Variants in DPP3 observed in about 807,000 individuals in gnomAD.
The protein encoded by DPP3 is DPP III.
Under a neutral mutation model 89.8 loss-of-function variants are expected in DPP3, and 64 were observed. That is an observed-to-expected ratio of 0.71 (90% CI 0.58 to 0.88). The LOEUF (loss-of-function observed/expected upper bound fraction) is 0.88. Ranked by LOEUF, DPP3 falls within the 40% of genes least tolerant of loss-of-function variation. The probability of loss-of-function intolerance (pLI) is 0.00; values close to 1 mark genes in which losing one functional copy is unlikely to be tolerated. For missense variants in DPP3, 835 were observed against 972.5 expected (o/e 0.86, Z 1.88); for synonymous variants, 377 against 404.3 (o/e 0.93, Z 0.81).
chr11:66,491,851 C>A, intron 9 of DPP3, 95 bp downstream of exon 9: 1 of 1,327,720 alleles, frequency 7.5e-7, no homozygotes, highest in South Asian at 1.2e-5. Flanking sequence ...CACCCCCGCT[C>A]AGCCATAACC....
intron 16 of DPP3, among the ~76,000 whole-genome samples, chr11:66,499,363 CA>C (rs374154176): frequency 0.042 from 5,927 of 140,422 alleles, 171 homozygotes; most frequent in African/African-American, 0.083. Flanking sequence ...AACTCCGCCT[CA>C]AAAAAAAAAA....
intron 16 of DPP3, 75 bp from the exon 17 acceptor site, chr11:66,504,537 G>A (rs753228553): frequency 8.0e-6 from 12 of 1,501,378 alleles, no homozygotes; most frequent in Middle Eastern, 2.2e-4. Flanking sequence ...ACCACAATCA[G>A]CTGTGGCCTA....
chr11:66,497,541 C>T, intron 16 of DPP3, 64 bp downstream of exon 16: 2 of 1,547,354 alleles, frequency 1.3e-6, no homozygotes, highest in South Asian at 1.2e-5. Flanking sequence ...TGAGTGTTAC[C>T]AGGCACGGAG....
intron 9 of DPP3, chr11:66,492,483 A>G: frequency 2.1e-6 from 1 of 483,970 alleles, no homozygotes; most frequent in Non-Finnish European, 3.6e-6. Flanking sequence ...AGGCCCAGGG[A>G]GAAGGGGCAG....
rs758037988 is a variant in DPP3 at position 66,495,740 on chromosome 11, A to G, written c.1688A>G (p.Asn563Ser). 1.2e-6 allele frequency: 2 copies of G among 1,609,006 alleles called. No individual in the cohort carries two copies. Among genetic ancestry groups the G allele is most frequent in the Non-Finnish European group, 1.7e-6 (2 of 1,178,004 alleles). ...GAGTTCTACACACCTGAGGCCTTCA[A>G]CTGGCGACAGGTAGGGCCTAGGTGG... is the stretch of plus-strand genomic sequence containing the variant. Reference protein sequence around the residue: ...ALEFYTPEAFNWRQAHMQARF... With the variant: ...ALEFYTPEAFSWRQAHMQARF... Residue 563 changes from asparagine (N) to serine (S), a missense_variant, in exon 15 of 18, where the codon AAC becomes AGC. Asn to Ser is a conservative substitution (Grantham distance 46, BLOSUM62 1). Coordinates refer to ENST00000531863, the MANE Select transcript of DPP3 (RefSeq NM_130443.4).
At chr11:66,490,767 G>GTTTTTT (rs1441207501) in intron 6 of DPP3, among the ~76,000 whole-genome samples, 1 of 138,152 alleles carries the variant, frequency 7.2e-6, no homozygotes, top group East Asian at 2.1e-4. Flanking sequence ...TGTTTTTTTT[G>GTTTTTT]TTTTGTTTTT....
intron 17 of DPP3, among the ~76,000 whole-genome samples, 173 bp from the exon 18 acceptor site, chr11:66,508,906 G>A (rs557561960): frequency 6.6e-6 from 1 of 152,274 alleles, no homozygotes; most frequent in African/African-American, 2.4e-5. Flanking sequence ...TCCTCACAGG[G>A]TTACTGTAAA....
Position 66,485,163 on chromosome 11 carries a change from T to C in DPP3, c.271-10T>C. On this transcript the variant is annotated splice_polypyrimidine_tract_variant and intron_variant, in intron 2 of 17. Transcript: ENST00000531863. ...GCTTCCTGGGTCTCTGATGCCTGCC[T>C]CCCCCTCAGGCGTTCCTGGTCTATG... The C allele has an allele frequency of 6.2e-7, 1 of 1,613,418 alleles. No homozygotes were observed. Among genetic ancestry groups the C allele is most frequent in the South Asian group, 1.1e-5 (1 of 91,034 alleles).
intron 3 of DPP3, among the ~76,000 whole-genome samples, chr11:66,485,912 ATTTTCTTTTCTTTTCTTTTCTTTTC>A (rs113853030): frequency 1.4e-5 from 2 of 144,474 alleles, no homozygotes; most frequent in African/African-American, 5.2e-5. Flanking sequence ...CACCAGCTAA[ATTTTCTTTTCTTTTCTTTTCTTTTC>A]TTTTCTTTTC....
At chr11:66,481,591 C>T (rs1452610556) in intron 1 of DPP3, among the ~76,000 whole-genome samples, 1 of 152,120 alleles carries the variant, frequency 6.6e-6, no homozygotes, top group Non-Finnish European at 1.5e-5. Context: ...TTAGGCAAGG[C>T]TCTTAGCCTC....
chr11:66,507,348 T>C lies in DPP3; in HGVS notation c.2042-1731T>C, dbSNP rs752089782. ...CAGGCATGGTTGCAGGCGCCTGTAGTCCCAGCTACTCAGGAGACTGAGGCA... is the reference window on the plus strand; with the variant it reads ...CAGGCATGGTTGCAGGCGCCTGTAGCCCCAGCTACTCAGGAGACTGAGGCA... On this transcript the variant is annotated intron_variant, in intron 17 of 17. Coordinates refer to ENST00000531863, the MANE Select transcript of DPP3 (RefSeq NM_130443.4). Among the ~76,000 whole-genome samples, 264 of 151,972 alleles carry C rather than the reference T, an allele frequency of 1.7e-3. 1 individual carries two copies. Among genetic ancestry groups the C allele is most frequent in the Non-Finnish European group, 2.2e-3 (150 of 67,964 alleles).
chr11:66,507,474 AAATAAT>A (rs1326810743), intron 17 of DPP3, among the ~76,000 whole-genome samples: 3 of 151,814 alleles, frequency 2.0e-5, no homozygotes, highest in Admixed American at 6.6e-5. Flanking sequence ...CTAAAAAAAA[AAATAAT>A]AATAATAATC....
intron 1 of DPP3, among the ~76,000 whole-genome samples, chr11:66,481,687 G>T (rs1259177065): frequency 2.0e-5 from 3 of 150,430 alleles, no homozygotes; most frequent in Admixed American, 1.3e-4. Context: ...TCACTCTGTT[G>T]CCCAGGCTGG....
At chr11:66,494,504 T>C (rs1288244453) in intron 12 of DPP3, among the ~76,000 whole-genome samples, 1 of 152,210 alleles carries the variant, frequency 6.6e-6, no homozygotes, top group Non-Finnish European at 1.5e-5. Flanking sequence ...CGAGCCTCAG[T>C]TGGCCCATCT....
At chr11:66,502,888 C>A (rs1855714796) in intron 16 of DPP3, among the ~76,000 whole-genome samples, 1 of 152,128 alleles carries the variant, frequency 6.6e-6, no homozygotes, top group Non-Finnish European at 1.5e-5. Context: ...CATGAGCCAC[C>A]CGCCCGGCCC....
Position 66,495,406 on chromosome 11 carries a change from G to A in DPP3, c.1494G>A (p.Lys498=), listed in dbSNP as rs1419365549. The part of the protein sequence containing the change: ...WYRSGETWDS[K]FSTIASSYEE... ...GGAGCGGGGAGACCTGGGATAGCAAGTTCAGCACCATCGCCTCCAGCTACG... is the reference window on the plus strand; with the variant it reads ...GGAGCGGGGAGACCTGGGATAGCAAATTCAGCACCATCGCCTCCAGCTACG... Residue 498 remains lysine, a synonymous_variant, in exon 14 of 18, where the codon AAG becomes AAA. Coordinates refer to ENST00000531863, the MANE Select transcript of DPP3 (RefSeq NM_130443.4). 1 of 1,613,466 alleles carries A rather than the reference G, an allele frequency of 6.2e-7. No individual in the cohort carries two copies. The highest frequency in any genetic ancestry group is 1.7e-5 in the Admixed American group (1 of 59,914).
In DPP3 at chr11:66,504,671, A is replaced by G. The variant is rs1671063; in HGVS notation, c.1938A>G (p.Thr646=). Residue 646 remains threonine, a synonymous_variant, in exon 17 of 18, where the codon ACA becomes ACG. Transcript: ENST00000531863. The part of the protein sequence containing the change: ...GGRALYEGYA[T]VTDAPPECFL... The stretch of plus-strand genomic sequence containing the variant: ...GGGCCCTGTACGAGGGGTATGCAAC[A>G]GTCACTGATGCGCCCCCCGAGTGCT... 0.59 allele frequency: 956,705 copies of G among 1,612,360 alleles called. 290,388 individuals carry two copies. Among genetic ancestry groups the G allele is most frequent in the African/African-American group, 0.86 (64,698 of 74,868 alleles).
chr11:66,481,709 G>A (rs1252396775), intron 1 of DPP3, among the ~76,000 whole-genome samples: 1 of 151,334 alleles, frequency 6.6e-6, no homozygotes, highest in African/African-American at 2.4e-5. Flanking sequence ...GTGCAATGGT[G>A]CGGTCTCAGC....
In DPP3 at chr11:66,485,653, G is replaced by T. The variant is rs188989310; in HGVS notation, c.360+391G>T. On this transcript the variant is annotated intron_variant, in intron 3 of 17. Coordinates refer to ENST00000531863, the MANE Select transcript of DPP3 (RefSeq NM_130443.4). Reference sequence around the variant, plus strand: ...CGGGCAGAGGTGGTTCTTATAGCAGGTATAAGAGCCGGGACTTCAATATGC... The same window carrying T: ...CGGGCAGAGGTGGTTCTTATAGCAGTTATAAGAGCCGGGACTTCAATATGC... Among the ~76,000 whole-genome samples, 49 of 152,312 alleles carry T rather than the reference G, an allele frequency of 3.2e-4. 1 individual carries two copies. Among genetic ancestry groups the T allele is most frequent in the African/African-American group, 1.2e-3 (48 of 41,564 alleles).
Sources: gnomAD v4.1 joint callset for allele counts (sites outside exome capture counted in the v4.1 genomes callset) on GRCh38, gnomAD v4.1.1 for gene constraint, MANE v1.5 for transcripts, NCBI Gene and HGNC (gene_info 2026-07-23, HGNC 2026-07-21) for gene names.